PXDNL: variants seen among roughly 807,000 people sequenced by gnomAD.
PXDNL encodes the protein probable oxidoreductase PXDNL.
PXDNL carries 145 observed loss-of-function variants against 150.8 expected under a neutral mutation model. The observed-to-expected ratio is 0.96, with a 90% CI of 0.84 to 1.10. The LOEUF (loss-of-function observed/expected upper bound fraction) is 1.10, where lower values mean the gene tolerates loss of function less well. PXDNL is among the 50% of genes least tolerant of loss of function. The pLI is 0.00. For missense variants in PXDNL, 2,087 were observed against 1,873.9 expected (o/e 1.11, Z -2.10); for synonymous variants, 757 against 725.7 (o/e 1.04, Z -0.69).
intron 1 of PXDNL, among the ~76,000 whole-genome samples, chr8:51,763,924 C>G (rs924507433): frequency 6.6e-6 from 1 of 152,076 alleles, no homozygotes; most frequent in Non-Finnish European, 1.5e-5. Flanking sequence ...AATTCTTCAG[C>G]GAAGTCACCT....
chr8:51,344,974 A>G (rs1806100583), intron 20 of PXDNL, among the ~76,000 whole-genome samples: 1 of 152,194 alleles, frequency 6.6e-6, no homozygotes, highest in Admixed American at 6.5e-5. Context: ...TTTAAAACTT[A>G]GAGTACAGGG....
intron 2 of PXDNL, among the ~76,000 whole-genome samples, chr8:51,632,843 A>T (rs2130758788): frequency 6.6e-6 from 1 of 152,262 alleles, no homozygotes; most frequent in South Asian, 2.1e-4. Flanking sequence ...AATATGTGGC[A>T]ATTAAACTAT....
chr8:51,529,727 A>G (rs776854862), intron 4 of PXDNL, among the ~76,000 whole-genome samples: 1 of 152,094 alleles, frequency 6.6e-6, no homozygotes, highest in African/African-American at 2.4e-5. Context: ...CCTGCCCCTA[A>G]ACATCTGATA....
At chr8:51,693,141 TA>T (rs1816035822) in intron 1 of PXDNL, among the ~76,000 whole-genome samples, 1 of 152,246 alleles carries the variant, frequency 6.6e-6, no homozygotes, top group South Asian at 2.1e-4. Flanking sequence ...TGAAATTGTT[TA>T]GTCAATTCTA....
chr8:51,676,928 T>C (rs760751806), intron 1 of PXDNL, among the ~76,000 whole-genome samples: 12 of 152,130 alleles, frequency 7.9e-5, no homozygotes, highest in Non-Finnish European at 2.9e-5. Flanking sequence ...AGAGTAGCAT[T>C]CCAGGTGGGA....
intron 21 of PXDNL, among the ~76,000 whole-genome samples, chr8:51,333,732 T>C (rs1267209928): frequency 2.0e-5 from 3 of 152,172 alleles, no homozygotes; most frequent in Non-Finnish European, 4.4e-5. Context: ...AGGGACATTA[T>C]ATAACAGTAA....
intron 8 of PXDNL, among the ~76,000 whole-genome samples, chr8:51,470,606 T>C (rs1409025002): frequency 6.6e-6 from 1 of 152,090 alleles, no homozygotes; most frequent in Admixed American, 6.6e-5. Flanking sequence ...TTCTATTTTA[T>C]GTTAACTACC....
rs1377982566 is a variant in PXDNL, at chr8:51,577,507, CAA to C, written c.308+15118_308+15119del. Among the ~76,000 whole-genome samples, 3 of 147,662 alleles carry C rather than the reference CAA, an allele frequency of 2.0e-5. No homozygotes were observed. The East Asian group carries it at 5.9e-4, about 29-fold the overall frequency. On this transcript the variant is annotated intron_variant, in intron 3 of 22. Transcript: ENST00000356297. ...AACCTCTGGCAAGACTGACAAAGAA[CAA>C]GAGAGAGAAAACACAAGTACCAATA...
chr8:51,573,483 C>A (rs1417336544), intron 3 of PXDNL, among the ~76,000 whole-genome samples: 1 of 151,976 alleles, frequency 6.6e-6, no homozygotes, highest in Non-Finnish European at 1.5e-5. Flanking sequence ...ACCCCCACTA[C>A]ATGGTATCAG....
intron 1 of PXDNL, among the ~76,000 whole-genome samples, chr8:51,660,123 C>T (rs1180995864): frequency 6.6e-6 from 1 of 152,092 alleles, no homozygotes; most frequent in Non-Finnish European, 1.5e-5. Flanking sequence ...CACCTGATCT[C>T]AGGTGATCCG....
rs557856997 is a variant in PXDNL, at chr8:51,506,343, C to T, written c.381-6573G>A. 1.7e-3 allele frequency among the ~76,000 whole-genome samples: 260 copies of T among 152,088 alleles called. 3 individuals carry two copies. Among genetic ancestry groups the T allele is most frequent in the Admixed American group, 4.0e-3 (61 of 15,292 alleles). On this transcript the variant is annotated intron_variant, in intron 4 of 22. Coordinates refer to ENST00000356297, the MANE Select transcript of PXDNL (RefSeq NM_144651.5). ...GGATCACGAGATCAGGAGATTGAGA[C>T]CATCCTGGCCAACATGGTGAAACCC...
chr8:51,747,577 T>G (rs757670327), intron 1 of PXDNL, among the ~76,000 whole-genome samples: 11 of 152,182 alleles, frequency 7.2e-5, no homozygotes, highest in Non-Finnish European at 1.3e-4. Flanking sequence ...CGGTCCAAGT[T>G]GATGCCGTTT....
At chr8:51,628,914 C>A (rs1417385725) in intron 2 of PXDNL, among the ~76,000 whole-genome samples, 2 of 151,832 alleles carry the variant, frequency 1.3e-5, no homozygotes, top group Non-Finnish European at 2.9e-5. Context: ...GGGAAAAAAA[C>A]TGATTTCCAG....
chr8:51,549,809 A>G (rs1438543958), intron 4 of PXDNL, among the ~76,000 whole-genome samples: 1 of 152,180 alleles, frequency 6.6e-6, no homozygotes, highest in Non-Finnish European at 1.5e-5. Context: ...CAAAACCAGC[A>G]GAAGAAAAGA....
chr8:51,790,206 ATT>A (rs5891434), intron 1 of PXDNL, among the ~76,000 whole-genome samples: 132 of 146,090 alleles, frequency 9.0e-4, no homozygotes, highest in Middle Eastern at 3.4e-3. Flanking sequence ...TCATTAATAG[ATT>A]TTTTTTTTTT....
At chr8:51,803,692 A>C (rs1051018251) in intron 1 of PXDNL, among the ~76,000 whole-genome samples, 1 of 152,196 alleles carries the variant, frequency 6.6e-6, no homozygotes, top group Non-Finnish European at 1.5e-5. Context: ...CACAGCCTAC[A>C]CAACCACTGG....
rs541567127 is a variant in PXDNL at position 51,664,627 on chromosome 8, C to G, written c.165-9867G>C. On this transcript the variant is annotated intron_variant, in intron 1 of 22. Coordinates refer to ENST00000356297, the MANE Select transcript of PXDNL (RefSeq NM_144651.5). The stretch of plus-strand genomic sequence containing the variant: ...TATTTTTATCTGGCATTATATTTAC[C>G]TTGATAGTCCTTCCTGTCTCCTACT... Among the ~76,000 whole-genome samples, 226 of 152,214 alleles carry G rather than the reference C, an allele frequency of 1.5e-3. 3 individuals are homozygous for G. Among genetic ancestry groups the G allele is most frequent in the African/African-American group, 5.2e-3 (215 of 41,548 alleles).
intron 21 of PXDNL, among the ~76,000 whole-genome samples, chr8:51,334,136 G>T (rs570016417): frequency 3.2e-5 from 3 of 94,332 alleles, no homozygotes; most frequent in African/African-American, 1.2e-4. Flanking sequence ...GACCACAGTG[G>T]AATAAAATTG....
At chr8:51,322,942 C>A (rs889753213) in intron 21 of PXDNL, among the ~76,000 whole-genome samples, 6 of 152,138 alleles carry the variant, frequency 3.9e-5, no homozygotes, top group Non-Finnish European at 5.9e-5. Context: ...CAGGACTTGA[C>A]CCCTGACTTT....
Sources: gnomAD v4.1 joint callset for allele counts (sites outside exome capture counted in the v4.1 genomes callset) on GRCh38, gnomAD v4.1.1 for gene constraint, MANE v1.5 for transcripts, NCBI Gene and HGNC (gene_info 2026-07-23, HGNC 2026-07-21) for gene names.